CRHR2: variants seen among roughly 807,000 people sequenced by gnomAD.
The protein encoded by CRHR2 is corticotropin releasing hormone receptor 2, also known as corticotropin-releasing hormone receptor 2.
CRHR2 carries 53 observed loss-of-function variants against 57.9 expected under a neutral mutation model. The observed-to-expected ratio is 0.92, with a 90% CI of 0.73 to 1.15. CRHR2 has a LOEUF of 1.15. Ranked by LOEUF, CRHR2 falls within the 50% of genes most tolerant of loss-of-function variation. The probability of loss-of-function intolerance (pLI) is 0.00; values close to 1 mark genes in which losing one functional copy is unlikely to be tolerated. For missense variants in CRHR2, 532 were observed against 542.6 expected (o/e 0.98, Z 0.19); for synonymous variants, 213 against 220.9 (o/e 0.96, Z 0.32).
At chr7:30,667,747 T>C (rs1784232217) in intron 2 of CRHR2, among the ~76,000 whole-genome samples, 1 of 152,248 alleles carries the variant, frequency 6.6e-6, no homozygotes, top group African/African-American at 2.4e-5. Context: ...ATATAGCATA[T>C]GTTTCCCATG....
upstream of CRHR2, among the ~76,000 whole-genome samples, chr7:30,683,690 T>C (rs117458087): frequency 1.9e-3 from 290 of 152,300 alleles, 1 homozygote; most frequent in East Asian, 0.02. Flanking sequence ...CCCTCTCAGC[T>C]CTGAGACTCT....
intron 1 of CRHR2, among the ~76,000 whole-genome samples, chr7:30,693,923 A>G (rs942120452): frequency 6.6e-6 from 1 of 152,138 alleles, no homozygotes; most frequent in Non-Finnish European, 1.5e-5. Flanking sequence ...CTTTCTTCTG[A>G]GGGGAACGTC....
intron 2 of CRHR2, among the ~76,000 whole-genome samples, chr7:30,679,614 G>A (rs982880210): frequency 1.3e-5 from 2 of 152,068 alleles, no homozygotes; most frequent in Non-Finnish European, 2.9e-5. Flanking sequence ...CCCCACCCGG[G>A]CGATTCCTGC....
At chr7:30,688,813 C>A in intron 2 of CRHR2, 1 of 460,758 alleles carries the variant, frequency 2.2e-6, no homozygotes, top group South Asian at 1.5e-5. Flanking sequence ...CAAGTCCTTA[C>A]CAGGAAGTCA....
intron 2 of CRHR2, among the ~76,000 whole-genome samples, chr7:30,669,187 T>G (rs1169963103): frequency 6.6e-6 from 1 of 152,146 alleles, no homozygotes; most frequent in African/African-American, 2.4e-5. Context: ...TTCTATATGT[T>G]CATAGATATT....
chr7:30,683,298 G>C (rs535601829), upstream of CRHR2, among the ~76,000 whole-genome samples: 2 of 152,354 alleles, frequency 1.3e-5, no homozygotes, highest in African/African-American at 4.8e-5. Flanking sequence ...TCTTCCTCAA[G>C]GCTTGGGCAG....
At chr7:30,699,584 G>T in intron 1 of CRHR2, 1 of 168,590 alleles carries the variant, frequency 5.9e-6, no homozygotes, top group Non-Finnish European at 1.3e-5. Context: ...AGGGAATCTT[G>T]GACCCTGAGG....
At chr7:30,682,131 C>G (rs1784734784) in intron 1 of CRHR2, 47 bp downstream of exon 1, 1 of 1,534,614 alleles carries the variant, frequency 6.5e-7, no homozygotes, top group African/African-American at 1.4e-5. Context: ...ACCCAGCGCG[C>G]GAGAGAAGGA....
At chr7:30,673,316 C>T (rs1784422209) in intron 2 of CRHR2, among the ~76,000 whole-genome samples, 1 of 152,020 alleles carries the variant, frequency 6.6e-6, no homozygotes, top group Admixed American at 6.5e-5. Context: ...CTCAAGTGAT[C>T]CTCCTGCCTC....
chr7:30,675,657 C>A (rs1784494970), intron 2 of CRHR2, among the ~76,000 whole-genome samples: 1 of 152,206 alleles, frequency 6.6e-6, no homozygotes, highest in Non-Finnish European at 1.5e-5. Flanking sequence ...TTTTTCAAGG[C>A]ACTGTTCAAC....
Position 30,665,298 on chromosome 7 carries a change from G to T in CRHR2, c.426-111C>A. On this transcript the variant is annotated intron_variant, in intron 4 of 11. Transcript: ENST00000471646. This position sits in a 1 kb window ranked among gnomAD's most constrained non-coding sequence, Gnocchi z 4.5. ...TGGGATGAGGGCAGGGCTGCACTAG[G>T]AGCCACTTCCCACCCATGGTGGCCA... 3.1e-6 allele frequency: 3 copies of T among 967,064 alleles called. No homozygotes were observed. The highest frequency in any genetic ancestry group is 2.3e-4 in the Middle Eastern group (1 of 4,338). 59.9% of individuals were successfully genotyped at this position (967,064 alleles called of 1,614,324 possible). A position where few individuals can be genotyped will look rare whatever the true frequency, so the allele number is the denominator to read the frequency against.
intron 8 of CRHR2, among the ~76,000 whole-genome samples, chr7:30,658,577 A>G (rs1199150447): frequency 6.6e-6 from 1 of 152,202 alleles, no homozygotes; most frequent in Non-Finnish European, 1.5e-5. Flanking sequence ...TCATGGCTCA[A>G]ATTTTGACTG....
intron 5 of CRHR2, among the ~76,000 whole-genome samples, chr7:30,664,007 C>A (rs1013829530): frequency 6.6e-6 from 1 of 152,188 alleles, no homozygotes; most frequent in Non-Finnish European, 1.5e-5. Flanking sequence ...CTGAGAAAGT[C>A]CTGCTGAGGT....
rs762062583 is a variant in CRHR2, at chr7:30,699,908, C to T, written c.-261+36G>A. 1.3e-4 allele frequency: 190 copies of T among 1,480,144 alleles called. 1 individual carries two copies. Among genetic ancestry groups the T allele is most frequent in the Non-Finnish European group, 3.0e-5 (33 of 1,111,508 alleles). 91.7% of individuals were successfully genotyped at this position (1,480,144 alleles called of 1,614,324 possible). ...AGAGCTGGGAGCTCCGTGCTCCTGG[C>T]GCCCCACCTCGTGGACTCCCACTCC... On this transcript the variant is annotated intron_variant, in intron 1 of 13. Coordinates refer to the CRHR2 transcript ENST00000341843.
intron 1 of CRHR2, chr7:30,689,316 C>T: frequency 6.5e-7 from 1 of 1,529,172 alleles, no homozygotes. Context: ...GGTCAAAGAT[C>T]AGGCCCAGGC....
chr7:30,686,338 T>C (rs963659035), upstream of CRHR2: 58 of 1,472,490 alleles, frequency 3.9e-5, no homozygotes, highest in East Asian at 9.7e-4. Context: ...CCAGCACCCA[T>C]TGGAATGCTC....
chr7:30,678,618 T>C (rs1253001493), intron 2 of CRHR2, among the ~76,000 whole-genome samples: 1 of 150,204 alleles, frequency 6.7e-6, no homozygotes, highest in Admixed American at 6.7e-5. Context: ...TGAGGACTTC[T>C]AAACGCCTTA....
At chr7:30,683,881 G>A (rs193113667), upstream of CRHR2, among the ~76,000 whole-genome samples, 12 of 152,330 alleles carry the variant, frequency 7.9e-5, no homozygotes, top group East Asian at 2.3e-3. Flanking sequence ...CCATGAACTA[G>A]CACCATGCCC....
intron 1 of CRHR2, among the ~76,000 whole-genome samples, chr7:30,695,852 C>T (rs1785045919): frequency 6.6e-6 from 1 of 152,154 alleles, no homozygotes; most frequent in African/African-American, 2.4e-5. Flanking sequence ...GCCCTGGGCA[C>T]GTGAGCTCAC....
Sources: allele counts gnomAD v4.1 joint callset (sites outside exome capture counted in the v4.1 genomes callset), GRCh38; gene constraint gnomAD v4.1.1; non-coding constraint Gnocchi (gnomAD v3.1); transcripts MANE v1.5; gene names NCBI Gene and HGNC (gene_info 2026-07-23, HGNC 2026-07-21).